The following NR3C2 variants were observed in gnomAD, a reference collection of about 807,000 sequenced individuals.
NR3C2 encodes the protein nuclear receptor subfamily 3 group C member 2.
A neutral mutation model predicts 86.4 loss-of-function variants in NR3C2; 15 were observed. That is an observed-to-expected ratio of 0.17 (90% CI 0.12 to 0.27). The LOEUF (loss-of-function observed/expected upper bound fraction) is 0.27. Ranked by LOEUF, NR3C2 falls within the 10% of genes least tolerant of loss-of-function variation. The pLI is 1.00. For missense variants in NR3C2, 960 were observed against 1,195.6 expected (o/e 0.80, Z 2.91); for synonymous variants, 458 against 450.5 (o/e 1.02, Z -0.21).
intron 2 of NR3C2, among the ~76,000 whole-genome samples, chr4:148,407,633 G>A (rs929842460): frequency 2.0e-5 from 3 of 152,016 alleles, no homozygotes; most frequent in Non-Finnish European, 4.4e-5. Context: ...TCATTTGCAA[G>A]CATACGCACA....
At chr4:148,303,771 C>T (rs1742461965) in intron 2 of NR3C2, among the ~76,000 whole-genome samples, 1 of 152,198 alleles carries the variant, frequency 6.6e-6, no homozygotes, top group Non-Finnish European at 1.5e-5. Context: ...CCAAGCTTTC[C>T]ATTTCATGGA....
intron 6 of NR3C2, among the ~76,000 whole-genome samples, chr4:148,131,909 C>G (rs1169302910): frequency 1.3e-5 from 2 of 152,158 alleles, no homozygotes; most frequent in Non-Finnish European, 2.9e-5. Flanking sequence ...ATACACAGAT[C>G]AGAATAACAT....
At chr4:148,439,657 C>G (rs1750238546) in intron 1 of NR3C2, among the ~76,000 whole-genome samples, 1 of 152,072 alleles carries the variant, frequency 6.6e-6, no homozygotes, top group Non-Finnish European at 1.5e-5. Flanking sequence ...TTGAAATTTC[C>G]CTATATAAAT....
intron 3 of NR3C2, among the ~76,000 whole-genome samples, chr4:148,200,203 A>T (rs1736650473): frequency 6.6e-6 from 1 of 152,196 alleles, no homozygotes; most frequent in Admixed American, 6.5e-5. Context: ...CCACTTCCAG[A>T]GGTCGCCAAT....
intron 2 of NR3C2, among the ~76,000 whole-genome samples, chr4:148,395,825 G>T (rs1395185166): frequency 1.3e-5 from 2 of 152,142 alleles, no homozygotes; most frequent in African/African-American, 4.8e-5. Context: ...ATCCTAAGGG[G>T]CACCATATTT....
chr4:148,225,460 T>C (rs1474513353), intron 3 of NR3C2, among the ~76,000 whole-genome samples: 1 of 152,160 alleles, frequency 6.6e-6, no homozygotes, highest in Non-Finnish European at 1.5e-5. Context: ...TTCCCTCATC[T>C]TTAGAACTTT....
At chr4:148,188,583 G>C (rs1222738130) in intron 4 of NR3C2, among the ~76,000 whole-genome samples, 1 of 152,116 alleles carries the variant, frequency 6.6e-6, no homozygotes, top group Non-Finnish European at 1.5e-5. Flanking sequence ...CATTATTCTT[G>C]TATCCGGAGA....
Position 148,268,863 on chromosome 4 carries a change from C to T in NR3C2, c.1758-8746G>A, listed in dbSNP as rs575847605. On this transcript the variant is annotated intron_variant, in intron 2 of 8. Coordinates refer to ENST00000358102, the MANE Select transcript of NR3C2 (RefSeq NM_000901.5). ...AAGAAATAGCTTTAAAAATCTACGA[C>T]GTTAAAGGATACAATTAAGTGACTG... Among the ~76,000 whole-genome samples, 12 of 152,210 alleles carry T rather than the reference C, an allele frequency of 7.9e-5. No individual in the cohort carries two copies. In the East Asian group the frequency reaches 1.7e-3, roughly 22 times the overall value.
chr4:148,126,347 G>A (rs1298597936), intron 6 of NR3C2, among the ~76,000 whole-genome samples: 1 of 152,206 alleles, frequency 6.6e-6, no homozygotes, highest in Non-Finnish European at 1.5e-5. Flanking sequence ...AGAATACAAT[G>A]CTTCTTAAGA....
chr4:148,379,710 A>G (rs531794648), intron 2 of NR3C2, among the ~76,000 whole-genome samples: 1 of 152,338 alleles, frequency 6.6e-6, no homozygotes, highest in Non-Finnish European at 1.5e-5. Context: ...TGCCAATGAT[A>G]AAGAGAAAGA....
At chr4:148,349,256 T>C (rs944926415) in intron 2 of NR3C2, among the ~76,000 whole-genome samples, 1 of 152,132 alleles carries the variant, frequency 6.6e-6, no homozygotes, top group South Asian at 2.1e-4. Context: ...AAAATGAGTC[T>C]TCACATTTCT....
intron 3 of NR3C2, among the ~76,000 whole-genome samples, chr4:148,237,670 G>A (rs1414025467): frequency 1.0e-5 from 1 of 96,544 alleles, no homozygotes; most frequent in Admixed American, 1.1e-4. Context: ...AAACAAAATG[G>A]GTTTTTTTTT....
At chr4:148,266,932 A>G (rs1463921985) in intron 2 of NR3C2, among the ~76,000 whole-genome samples, 2 of 152,226 alleles carry the variant, frequency 1.3e-5, no homozygotes, top group Admixed American at 6.5e-5. Flanking sequence ...CTATTAACTG[A>G]TATCTAAGAT....
intron 2 of NR3C2, among the ~76,000 whole-genome samples, chr4:148,334,487 A>G (rs1744384698): frequency 6.6e-6 from 1 of 152,212 alleles, no homozygotes; most frequent in Non-Finnish European, 1.5e-5. Context: ...GGTTGCAGTG[A>G]GCGGAGATCG....
chr4:148,243,988 T>C (rs1440178817), intron 3 of NR3C2, among the ~76,000 whole-genome samples: 1 of 152,194 alleles, frequency 6.6e-6, no homozygotes, highest in African/African-American at 2.4e-5. Context: ...AGGCAGACAA[T>C]GGTTTAAGTA....
At chr4:148,277,547 CT>C (rs1741020328) in intron 2 of NR3C2, among the ~76,000 whole-genome samples, 1 of 152,122 alleles carries the variant, frequency 6.6e-6, no homozygotes, top group Admixed American at 6.5e-5. Flanking sequence ...AAGACCCCAT[CT>C]CTAAAAATAA....
rs529834696 is a variant in NR3C2, at chr4:148,339,899, A to G, written c.1758-79782T>C. 4.6e-5 allele frequency among the ~76,000 whole-genome samples: 7 copies of G among 152,262 alleles called. No homozygotes were observed. The East Asian group carries it at 1.3e-3, about 29-fold the overall frequency. ...CAAAAAAATCAGTAGCACTTATATA[A>G]GCCAACAGTGAACAATTTAAAAAAG... is the stretch of plus-strand genomic sequence containing the variant. On this transcript the variant is annotated intron_variant, in intron 2 of 8. Transcript: ENST00000358102.
At chr4:148,324,030 C>G (rs1023016922) in intron 2 of NR3C2, among the ~76,000 whole-genome samples, 8 of 152,164 alleles carry the variant, frequency 5.3e-5, no homozygotes, top group African/African-American at 1.9e-4. Context: ...CCACCAAGAA[C>G]AAATCTAAAT....
At chr4:148,444,762 G>A (rs926392912), upstream of NR3C2, 3 of 984,958 alleles carry the variant, frequency 3.0e-6, no homozygotes, top group Non-Finnish European at 3.6e-6. Flanking sequence ...GGGGACGCGG[G>A]CACCCGCCCG....
Sources: gnomAD v4.1 joint callset for allele counts (sites outside exome capture counted in the v4.1 genomes callset) on GRCh38, gnomAD v4.1.1 for gene constraint, MANE v1.5 for transcripts, NCBI Gene and HGNC (gene_info 2026-07-23, HGNC 2026-07-21) for gene names.